SRPX: variants seen among roughly 807,000 people sequenced by gnomAD.
SRPX encodes sushi repeat-containing protein SRPX.
In SRPX, 24 loss-of-function variants were observed where a neutral mutation model predicts 38.1. The ratio of observed to expected loss-of-function variants is 0.63; its 90% CI spans 0.46 to 0.89. The LOEUF is 0.89. Among genes scored for constraint, SRPX ranks in the 40% least tolerant of loss-of-function variants. SRPX has a pLI of 0.00. For missense variants in SRPX, 416 were observed against 377.8 expected, an observed-to-expected ratio of 1.10 and a Z score of -0.84; for synonymous variants, 184 against 153.8, an observed-to-expected ratio of 1.20 and a Z score of -1.45.
intron 1 of SRPX, 51 bp downstream of exon 1, chrX:38,220,644 TC>T: frequency 8.5e-7 from 1 of 1,180,080 alleles, no homozygotes. Context: ...CAACGGCGAC[TC>T]CGGGGGTCTT....
At chrX:38,172,909 C>T (rs1020450324) in intron 3 of SRPX, among the ~76,000 whole-genome samples, 3 of 112,107 alleles carry the variant, frequency 2.7e-5, no homozygotes, top group Non-Finnish European at 5.6e-5. Context: ...AGAGAGAGAG[C>T]GAGTGGGATC....
intron 1 of SRPX, among the ~76,000 whole-genome samples, chrX:38,208,166 C>G (rs1191710903): frequency 9.0e-6 from 1 of 111,648 alleles, no homozygotes; most frequent in Admixed American, 9.5e-5. Flanking sequence ...GTATTTTTTT[C>G]TTTATAATTG....
intron 1 of SRPX, among the ~76,000 whole-genome samples, chrX:38,199,202 C>A (rs752963004): frequency 2.3e-4 from 20 of 88,118 alleles, no homozygotes; most frequent in Non-Finnish European, 4.2e-4. Context: ...GTCAGGAGAT[C>A]GAGACCATCC....
intron 6 of SRPX, 103 bp downstream of exon 6, chrX:38,160,830 C>G (rs1602440146): frequency 2.0e-6 from 2 of 1,018,551 alleles, no homozygotes; most frequent in East Asian, 3.1e-5. Flanking sequence ...GCTGGCAAGT[C>G]TCCCACCACA....
In SRPX at chrX:38,149,967, C is replaced by A. The variant is rs1937981006; in HGVS notation, c.1212-73G>T. On this transcript the variant is annotated intron_variant, in intron 9 of 9. Transcript: ENST00000378533. ...AAGGGTCCTGGTGGATCAACCAGAGCCTTACTGTGACAGTGTGCAGAGAAA... is the reference window on the plus strand; with the variant it reads ...AAGGGTCCTGGTGGATCAACCAGAGACTTACTGTGACAGTGTGCAGAGAAA... The A allele has an allele frequency of 4.3e-6, 4 of 931,958 alleles. No homozygotes were observed. In the Admixed American group the frequency reaches 1.0e-4, roughly 24 times the overall value. 76.8% of individuals were successfully genotyped at this position (931,958 alleles called of 1,213,427 possible).
At chrX:38,168,879 G>A (rs1938412406) in intron 4 of SRPX, among the ~76,000 whole-genome samples, 1 of 112,266 alleles carries the variant, frequency 8.9e-6, no homozygotes, top group Admixed American at 9.4e-5. Context: ...ATAGCCGGGT[G>A]TGGTGGCTCA....
chrX:38,180,842 T>C (rs1266582065), intron 1 of SRPX, among the ~76,000 whole-genome samples: 1 of 112,066 alleles, frequency 8.9e-6, no homozygotes, highest in Non-Finnish European at 1.9e-5. Context: ...TATTATAGAA[T>C]GCTGAATGAA....
At chrX:38,164,643 G>A (rs772143263) in intron 5 of SRPX, 126 bp downstream of exon 5, 1 of 676,938 alleles carries the variant, frequency 1.5e-6, no homozygotes, top group East Asian at 3.5e-5. Flanking sequence ...TAGTATGTTA[G>A]GTAGTGACCA....
In SRPX at chrX:38,215,618, A is replaced by G. The variant is rs183884152; in HGVS notation, c.97+5078T>C. ...TAGCTATCTTGCAATCCGTTTTCTC[A>G]GGAAAGTGTCATCTTGGAAATTCTG... On this transcript the variant is annotated intron_variant, in intron 1 of 9. Coordinates refer to ENST00000378533, the MANE Select transcript of SRPX (RefSeq NM_006307.5). 1.2e-4 allele frequency among the ~76,000 whole-genome samples: 14 copies of G among 112,348 alleles called. No homozygotes were observed. In the East Asian group the frequency reaches 3.3e-3, roughly 27 times the overall value.
intron 1 of SRPX, among the ~76,000 whole-genome samples, chrX:38,198,219 C>T (rs1363452465): frequency 9.0e-6 from 1 of 111,700 alleles, no homozygotes. Context: ...GTGATGAATG[C>T]TCACAAAAGA....
chrX:38,195,952 G>A (rs555324461), intron 1 of SRPX, among the ~76,000 whole-genome samples: 4 of 111,939 alleles, frequency 3.6e-5, no homozygotes, highest in East Asian at 2.8e-4. Context: ...AAGGATGGAC[G>A]TGAAATTATT....
At chrX:38,196,143 T>C (rs960491147) in intron 1 of SRPX, among the ~76,000 whole-genome samples, 1 of 112,096 alleles carries the variant, frequency 8.9e-6, no homozygotes, top group African/African-American at 3.2e-5. Flanking sequence ...ATTTTTAGAA[T>C]AGTGACAATT....
intron 1 of SRPX, among the ~76,000 whole-genome samples, chrX:38,198,757 C>T (rs1357237134): frequency 9.0e-6 from 1 of 111,700 alleles, no homozygotes; most frequent in East Asian, 2.8e-4. Context: ...AGAAAGGTGA[C>T]TCGTTGCATA....
intron 1 of SRPX, among the ~76,000 whole-genome samples, chrX:38,189,909 C>T (rs1330753384): frequency 8.9e-6 from 1 of 112,036 alleles, no homozygotes; most frequent in Non-Finnish European, 1.9e-5. Flanking sequence ...AGACTTTAGC[C>T]TACACATTAC....
chrX:38,199,447 G>T (rs1203110384), intron 1 of SRPX, among the ~76,000 whole-genome samples: 1 of 110,158 alleles, frequency 9.1e-6, no homozygotes, highest in Non-Finnish European at 1.9e-5. Context: ...AAAAAAGTGT[G>T]ATATTTCAGA....
At chrX:38,154,912 AT>A (rs756350904) in intron 8 of SRPX, among the ~76,000 whole-genome samples, 5 of 110,942 alleles carry the variant, frequency 4.5e-5, no homozygotes, top group Non-Finnish European at 9.4e-5. Flanking sequence ...GAGGATTCTA[AT>A]TTTTCTTTGC....
At chrX:38,188,166 T>G (rs1344378493) in intron 1 of SRPX, among the ~76,000 whole-genome samples, 4 of 111,757 alleles carry the variant, frequency 3.6e-5, no homozygotes, top group African/African-American at 1.3e-4. Flanking sequence ...AGAGGAAGAT[T>G]CTTGTTCCAA....
chrX:38,204,959 G>A (rs1353117664), intron 1 of SRPX, among the ~76,000 whole-genome samples: 2 of 111,882 alleles, frequency 1.8e-5, no homozygotes, highest in Admixed American at 9.5e-5. Context: ...TAGGCAGTGG[G>A]AGATTTTTTT....
intron 3 of SRPX, among the ~76,000 whole-genome samples, 187 bp from the exon 4 acceptor site, chrX:38,172,244 G>A (rs775751781): frequency 2.7e-5 from 3 of 111,555 alleles, no homozygotes; most frequent in Non-Finnish European, 5.7e-5. Context: ...ACCTGACTTC[G>A]GGAGTTCGAG....
Sources: gnomAD v4.1 joint callset for allele counts (sites outside exome capture counted in the v4.1 genomes callset) on GRCh38, gnomAD v4.1.1 for gene constraint, MANE v1.5 for transcripts, NCBI Gene and HGNC (gene_info 2026-07-23, HGNC 2026-07-21) for gene names.